Variants in KCNIP4 observed in about 807,000 individuals in gnomAD.
The protein encoded by KCNIP4 is potassium voltage-gated channel interacting protein 4.
KCNIP4 carries 12 observed loss-of-function variants against 34.0 expected under a neutral mutation model. That is an observed-to-expected ratio of 0.35 (90% CI 0.23 to 0.57). The LOEUF (loss-of-function observed/expected upper bound fraction) is 0.57, where lower values mean the gene tolerates loss of function less well. KCNIP4 is among the 20% of genes least tolerant of loss of function. The pLI is 0.83. For synonymous variants in KCNIP4, 124 were observed against 102.2 expected (o/e 1.21, Z -1.29); for missense variants, 238 against 311.7 (o/e 0.76, Z 1.78).
chr4:21,754,506 C>T (rs560231282), intron 1 of KCNIP4, among the ~76,000 whole-genome samples: 6 of 152,084 alleles, frequency 3.9e-5, no homozygotes, highest in Admixed American at 2.0e-4. Flanking sequence ...ACCATTATTC[C>T]TGTTTTTCAA....
intron 3 of KCNIP4, among the ~76,000 whole-genome samples, chr4:20,782,424 C>A (rs1756954265): frequency 6.6e-6 from 1 of 152,202 alleles, no homozygotes; most frequent in African/African-American, 2.4e-5. Context: ...GCCTCTGCAG[C>A]AAACTTCTGC....
At chr4:21,238,345 C>T (rs1759534390) in intron 1 of KCNIP4, among the ~76,000 whole-genome samples, 1 of 152,148 alleles carries the variant, frequency 6.6e-6, no homozygotes, top group Admixed American at 6.5e-5. Context: ...TCTCTCACCA[C>T]TCCTATTCAA....
intron 1 of KCNIP4, among the ~76,000 whole-genome samples, chr4:21,131,926 C>T (rs1463561254): frequency 6.6e-6 from 1 of 152,082 alleles, no homozygotes; most frequent in Non-Finnish European, 1.5e-5. Flanking sequence ...CCAGGTATGG[C>T]TTCTCAAATG....
At chr4:20,925,055 A>C (rs948519405) in intron 1 of KCNIP4, among the ~76,000 whole-genome samples, 1 of 152,208 alleles carries the variant, frequency 6.6e-6, no homozygotes, top group East Asian at 1.9e-4. Context: ...TTGAAATGTG[A>C]AAATGGTCTG....
chr4:21,060,647 ATAAG>A (rs1743833529), intron 1 of KCNIP4, among the ~76,000 whole-genome samples: 2 of 152,300 alleles, frequency 1.3e-5, no homozygotes, highest in Admixed American at 1.3e-4. Flanking sequence ...TAGAATGCTC[ATAAG>A]TAAGAATAGT....
At chr4:21,181,895 C>T (rs1342702317) in intron 1 of KCNIP4, among the ~76,000 whole-genome samples, 1 of 152,078 alleles carries the variant, frequency 6.6e-6, no homozygotes, top group Admixed American at 6.6e-5. Flanking sequence ...AACACTGGTA[C>T]AATAGTGCCC....
chr4:20,982,365 A>G (rs1027039981), intron 1 of KCNIP4, among the ~76,000 whole-genome samples: 1 of 152,224 alleles, frequency 6.6e-6, no homozygotes, highest in African/African-American at 2.4e-5. Context: ...AATTGCTAGT[A>G]CTGTATTAAG....
rs1160730516 is a variant in KCNIP4 at position 21,370,870 on chromosome 4, C to A, written c.62-488161G>T. On this transcript the variant is annotated intron_variant, in intron 1 of 8. Transcript: ENST00000382152. ...ATATATACACACACACACACACACA[C>A]ACACACACACACGTGTGTGTGTGTG... Among the ~76,000 whole-genome samples, 13 of 68,598 alleles carry A rather than the reference C, an allele frequency of 1.9e-4. 2 individuals carry two copies. Among genetic ancestry groups the A allele is most frequent in the African/African-American group, 8.8e-4 (13 of 14,736 alleles). The allele number at this position is 68,598 out of a possible 152,430, so 45.0% of individuals were successfully genotyped here. A position where few individuals can be genotyped will look rare whatever the true frequency, so the allele number is the denominator to read the frequency against.
chr4:21,172,192 T>C (rs1010242434), intron 1 of KCNIP4, among the ~76,000 whole-genome samples: 3 of 152,002 alleles, frequency 2.0e-5, no homozygotes, highest in African/African-American at 7.2e-5. Context: ...CATGCCTGGA[T>C]GGCTAATTTT....
intron 1 of KCNIP4, among the ~76,000 whole-genome samples, chr4:21,711,612 A>C (rs1254208321): frequency 6.6e-6 from 1 of 152,266 alleles, no homozygotes; most frequent in Non-Finnish European, 1.5e-5. Flanking sequence ...TTGAAAAAGA[A>C]ATACAGATTA....
chr4:20,774,959 T>G (rs1387070960), intron 3 of KCNIP4, among the ~76,000 whole-genome samples: 1 of 152,184 alleles, frequency 6.6e-6, no homozygotes, highest in Non-Finnish European at 1.5e-5. Flanking sequence ...TTACATCAAG[T>G]GCCCAGCACA....
At chr4:21,781,589 T>C (rs1256258707) in intron 1 of KCNIP4, among the ~76,000 whole-genome samples, 1 of 152,106 alleles carries the variant, frequency 6.6e-6, no homozygotes, top group East Asian at 1.9e-4. Context: ...AGGAAGTTAT[T>C]TATCTGTTAT....
At chr4:21,042,988 C>T (rs1463244737) in intron 1 of KCNIP4, among the ~76,000 whole-genome samples, 1 of 152,202 alleles carries the variant, frequency 6.6e-6, no homozygotes, top group African/African-American at 2.4e-5. Flanking sequence ...GAAGAATTTA[C>T]TGTCTAGTCA....
chr4:21,284,172 C>T (rs1223742656), intron 1 of KCNIP4, among the ~76,000 whole-genome samples: 1 of 150,908 alleles, frequency 6.6e-6, no homozygotes, highest in Non-Finnish European at 1.5e-5. Context: ...GAGATTGCAC[C>T]ACTGCACTCC....
At chr4:21,494,882 T>G (rs1732730918) in intron 1 of KCNIP4, among the ~76,000 whole-genome samples, 1 of 152,168 alleles carries the variant, frequency 6.6e-6, no homozygotes, top group African/African-American at 2.4e-5. Context: ...CTGTTAAAAT[T>G]AATTTATAAT....
At chr4:21,675,312 G>C (rs953266710) in intron 1 of KCNIP4, among the ~76,000 whole-genome samples, 2 of 152,092 alleles carry the variant, frequency 1.3e-5, no homozygotes, top group African/African-American at 4.8e-5. Context: ...GAGAAGTTGT[G>C]GGGGAGGTGA....
intron 1 of KCNIP4, among the ~76,000 whole-genome samples, chr4:21,601,523 A>G (rs1560551630): frequency 6.6e-6 from 1 of 151,880 alleles, no homozygotes; most frequent in East Asian, 1.9e-4. Context: ...TCCCCTAAAC[A>G]TGTCCTCCAC....
intron 1 of KCNIP4, among the ~76,000 whole-genome samples, chr4:21,443,099 C>T (rs1433158679): frequency 6.6e-6 from 1 of 152,178 alleles, no homozygotes; most frequent in Non-Finnish European, 1.5e-5. Flanking sequence ...AACATTGGAA[C>T]ATTTCTCATC....
At chr4:21,616,348 C>G (rs1008625144) in intron 1 of KCNIP4, among the ~76,000 whole-genome samples, 54 of 151,326 alleles carry the variant, frequency 3.6e-4, no homozygotes, top group Non-Finnish European at 6.3e-4. Context: ...ATGACTGATA[C>G]TCTTTATTAC....
Sources: allele counts gnomAD v4.1 joint callset (sites outside exome capture counted in the v4.1 genomes callset), GRCh38; gene constraint gnomAD v4.1.1; transcripts MANE v1.5; gene names NCBI Gene and HGNC (gene_info 2026-07-23, HGNC 2026-07-21).